LILRA5: variants seen among roughly 807,000 people sequenced by gnomAD.
LILRA5 encodes leukocyte immunoglobulin like receptor A5.
LILRA5 carries 31 observed loss-of-function variants against 36.3 expected under a neutral mutation model. The observed-to-expected ratio is 0.85, with a 90% CI of 0.64 to 1.15. The LOEUF is 1.15. Ranked by LOEUF, LILRA5 falls within the 50% of genes most tolerant of loss-of-function variation. The pLI is 0.00. For missense variants in LILRA5, 348 were observed against 377.4 expected (o/e 0.92, Z 0.64); for synonymous variants, 144 against 144.8 (o/e 0.99, Z 0.04).
Position 54,310,834 on chromosome 19 carries a change from C to A in LILRA5, c.712+580G>T, listed in dbSNP as rs139083175. 1,583 of 256,952 alleles carry A rather than the reference C, an allele frequency of 6.2e-3. 13 individuals carry two copies. The highest frequency in any genetic ancestry group is 0.02 in the Middle Eastern group (13 of 666). The allele number at this position is 256,952 out of a possible 1,614,324, so 15.9% of individuals were successfully genotyped here. ...GTTCTCTCCAGGGACCACAACAGGG[C>A]CCTGCGGGGTCAGGAGGGAGGGCTT... On this transcript the variant is annotated intron_variant, in intron 5 of 6. Transcript: ENST00000432233.
chr19:54,311,605 G>A lies in LILRA5; in HGVS notation c.521C>T (p.Thr174Ile). 1 of 1,614,208 alleles carries A rather than the reference G, an allele frequency of 6.2e-7. No individual in the cohort carries two copies. Among genetic ancestry groups the A allele is most frequent in the Non-Finnish European group, 8.5e-7 (1 of 1,180,050 alleles). Residue 174 changes from threonine to isoleucine, a missense_variant, in exon 5 of 7, where the codon ACT (threonine) becomes ATT (isoleucine). By Grantham distance (89) the Thr-to-Ile change is moderately conservative. Transcript: ENST00000432233. ...SRLRFDRFIL[T>I]EEGDHKLSWT... Reference sequence around the variant, plus strand: ...GGAGAGCTTGTGGTCTCCTTCCTCAGTCAGAATGAACCTGTCGAATCTCAG... The same window carrying A: ...GGAGAGCTTGTGGTCTCCTTCCTCAATCAGAATGAACCTGTCGAATCTCAG...
At position 54,311,886 on chromosome 19, in the gene LILRA5, G is replaced by A. The variant is rs780505566; in HGVS notation, c.387C>T (p.Asp129=). Reference sequence around the variant, plus strand: ...CACCTGTCACCACCAGCTCCAGGGGGTCGCTGGGCTCTGACCAGCCTGCAG... The same window carrying A: ...CACCTGTCACCACCAGCTCCAGGGGATCGCTGGGCTCTGACCAGCCTGCAG... ...YSPAGWSEPS[D]PLELVVTGFY... Residue 129 remains aspartate, a synonymous_variant, in exon 4 of 7, where the codon GAC becomes GAT. Coordinates refer to ENST00000432233, the MANE Select transcript of LILRA5 (RefSeq NM_021250.4). 6.2e-7 allele frequency: 1 copy of A among 1,614,174 alleles called. No homozygotes were observed. The highest frequency in any genetic ancestry group is 1.1e-5 in the South Asian group (1 of 91,088).
Position 54,311,513 on chromosome 19 carries a change from TCACAGGGCC to T in LILRA5, c.604_612del (p.Gly202_Val204del), listed in dbSNP as rs2081013003. ...CTGAGCATCCACCTGTGGCTGGGGG[TCACAGGGCC>T]CACAGGGAACAGGGCCTGGAACTGC... On this transcript the variant is annotated inframe_deletion, in exon 5 of 7. Transcript: ENST00000432233. 2 of 1,613,116 alleles carry T rather than the reference TCACAGGGCC, an allele frequency of 1.2e-6. No individual in the cohort carries two copies. The highest frequency in any genetic ancestry group is 1.7e-5 in the Admixed American group (1 of 59,888).
Position 54,307,438 on chromosome 19 carries a change from C to A in LILRA5, c.875G>T (p.Ser292Ile). The A allele has an allele frequency of 6.2e-7, 1 of 1,613,174 alleles. No individual in the cohort carries two copies. Reference protein sequence around the residue: ...LIFQDWHSQRSPQAAAGR With the variant: ...LIFQDWHSQRIPQAAAGR Reference sequence around the variant, plus strand: ...TCACCTTCCAGCTGCAGCTTGGGGGCTTCTCTGGCTGTGCCAATCCTGAAA... The same window carrying A: ...TCACCTTCCAGCTGCAGCTTGGGGGATTCTCTGGCTGTGCCAATCCTGAAA... Residue 292 changes from serine (S) to isoleucine (I), a missense_variant, in exon 7 of 7, where the codon AGC (serine) becomes ATC (isoleucine). Coordinates refer to ENST00000432233, the MANE Select transcript of LILRA5 (RefSeq NM_021250.4).
chr19:54,309,120 T>C (rs1569139994), intron 5 of LILRA5: 1 of 152,156 alleles, frequency 6.6e-6, no homozygotes, highest in Non-Finnish European at 1.5e-5. Flanking sequence ...TGAAATTAAA[T>C]GAATATACTC....
At chr19:54,307,589 G>C (rs749143642) in intron 6 of LILRA5, 40 bp from the exon 7 acceptor site, 3 of 1,613,690 alleles carry the variant, frequency 1.9e-6, no homozygotes, top group Non-Finnish European at 2.5e-6. Flanking sequence ...GGTCAGGGCA[G>C]ATCAGTATCA....
intron 6 of LILRA5, 49 bp from the exon 7 acceptor site, chr19:54,307,598 C>T (rs1337313044): frequency 6.2e-7 from 1 of 1,613,600 alleles, no homozygotes. Context: ...AGATCAGTAT[C>T]ACCCAGGACC....
chr19:54,311,449 G>T lies in LILRA5; in HGVS notation c.677C>A (p.Ser226Ter). 1 of 1,614,174 alleles carries T rather than the reference G, an allele frequency of 6.2e-7. No homozygotes were observed. The highest frequency in any genetic ancestry group is 8.5e-7 in the Non-Finnish European group (1 of 1,180,014). The change falls in exon 5 of 7, where the codon TCA becomes TAA. Residue 226 changes from serine (S) to a stop codon, truncating the protein, a stop_gained. Coordinates refer to ENST00000432233, the MANE Select transcript of LILRA5 (RefSeq NM_021250.4). LOFTEE classifies it high-confidence loss of function. ...AATCTCCAGGAGGTCACTGGGTTCT[G>T]ACCATACCTGCAGGATATGCCTGCG... is the stretch of plus-strand genomic sequence containing the variant. ...GSRRHILQVW[S>*]EPSDLLEIPV... is the part of the protein sequence containing the mutation.
chr19:54,307,640 C>A (rs2080906045), intron 6 of LILRA5, 58 bp downstream of exon 6: 1 of 1,613,422 alleles, frequency 6.2e-7, no homozygotes, highest in South Asian at 1.1e-5. Flanking sequence ...CCCATATCAT[C>A]TTGACAGGAC....
chr19:54,308,407 A>ATG (rs2080941452), intron 5 of LILRA5: 2 of 108,996 alleles, frequency 1.8e-5, no homozygotes, highest in Non-Finnish European at 3.7e-5. Flanking sequence ...ATATATATAT[A>ATG]TGGTGTTACA....
At chr19:54,311,081 A>G (rs2081000386) in intron 5 of LILRA5, 1 of 363,774 alleles carries the variant, frequency 2.7e-6, no homozygotes. Flanking sequence ...TCAGCCTCCC[A>G]AGTAGCTGGG....
At chr19:54,310,499 T>C (rs1456248274) in intron 5 of LILRA5, 2 of 156,174 alleles carry the variant, frequency 1.3e-5, no homozygotes, top group African/African-American at 4.8e-5. Context: ...CACTGATGGA[T>C]ATGATTACAT....
intron 5 of LILRA5, chr19:54,310,805 T>C: frequency 3.9e-6 from 1 of 259,488 alleles, no homozygotes; most frequent in Non-Finnish European, 8.1e-6. Flanking sequence ...TACTGGAGGG[T>C]CAGGTTCTCT....
intron 5 of LILRA5, chr19:54,310,486 C>T (rs2080986348): frequency 6.4e-6 from 1 of 156,230 alleles, no homozygotes; most frequent in Non-Finnish European, 1.4e-5. Flanking sequence ...CCTCAGACCC[C>T]AGCACTGATG....
At chr19:54,309,749 T>C (rs1601180524) in intron 5 of LILRA5, 1 of 152,576 alleles carries the variant, frequency 6.6e-6, no homozygotes, top group South Asian at 2.0e-4. Flanking sequence ...AATCCATATA[T>C]CTTAAAGAGA....
At chr19:54,308,345 G>GTA (rs1569367121) in intron 5 of LILRA5, 1 of 73,334 alleles carries the variant, frequency 1.4e-5, no homozygotes, top group Non-Finnish European at 2.9e-5. Flanking sequence ...GTATATATAT[G>GTA]TATATATAAA....
rs10573769 is a variant in LILRA5 at position 54,307,242 on chromosome 19, C to CAAAAAAAAAA, written c.*161_*170dup. 23 of 115,664 alleles carry CAAAAAAAAAA rather than the reference C, an allele frequency of 2.0e-4. No homozygotes were observed. The highest frequency in any genetic ancestry group is 3.2e-4 in the African/African-American group (5 of 15,588). The allele number at this position is 115,664 out of a possible 1,614,324, so 7.2% of individuals were successfully genotyped here. A position where few individuals can be genotyped will look rare whatever the true frequency, so the allele number is the denominator to read the frequency against. ...CTGGTGACAGAGCAAGACTCCATCT[C>CAAAAAAAAAA]AAAAAAAAAAAAAAAAAAAAAAAAG... On this transcript the variant is annotated 3_prime_UTR_variant, in exon 7 of 7. Transcript: ENST00000432233.
At chr19:54,312,735 T>C in intron 1 of LILRA5, 114 bp from the exon 2 acceptor site, 1 of 1,067,870 alleles carries the variant, frequency 9.4e-7, no homozygotes, top group South Asian at 1.4e-5. Context: ...CCCAGGAGCC[T>C]GGCTCTCATT....
At position 54,307,504 on chromosome 19, in the gene LILRA5, C is replaced by A; in HGVS notation, c.809G>T (p.Gly270Val). 6.2e-7 allele frequency: 1 copy of A among 1,613,936 alleles called. No homozygotes were observed. Among genetic ancestry groups the A allele is most frequent in the East Asian group, 2.2e-5 (1 of 44,864 alleles). ...DYAVENLIRM[G>V]MAGLILVVLG... ...GACCACCAGGATCAAGCCGGCCATG[C>A]CCATGCGGATGAGATTCTCTACTGC... The change falls in exon 7 of 7, where the codon GGC (glycine) becomes GTC (valine). Residue 270 changes from glycine (G) to valine (V), a missense_variant. By Grantham distance (109) the Gly-to-Val change is moderately radical. Transcript: ENST00000432233.
Sources: allele counts gnomAD v4.1 joint callset, GRCh38; gene constraint gnomAD v4.1.1; transcripts MANE v1.5; gene names NCBI Gene and HGNC (gene_info 2026-07-23, HGNC 2026-07-21).